Variants in KDM3B observed in about 807,000 individuals in gnomAD.
KDM3B encodes the protein lysine demethylase 3B, also known as lysine-specific demethylase 3B.
Under a neutral mutation model 170.0 loss-of-function variants are expected in KDM3B, and 10 were observed. The ratio of observed to expected loss-of-function variants is 0.06; its 90% CI spans 0.04 to 0.10. KDM3B has a LOEUF of 0.10. Ranked by LOEUF, KDM3B falls within the 10% of genes least tolerant of loss-of-function variation. The pLI is 1.00. For synonymous variants in KDM3B, 831 were observed against 834.8 expected (o/e 1.00, Z 0.08); for missense variants, 1,394 against 2,195.2 (o/e 0.64, Z 7.29).
intron 13 of KDM3B, chr5:138,417,986 A>C (rs1763145460): frequency 6.3e-6 from 1 of 158,230 alleles, no homozygotes; most frequent in African/African-American, 2.4e-5. Context: ...GATTCATCTC[A>C]GGTGCAGAAG....
Position 138,366,438 on chromosome 5 carries a change from C to T in KDM3B, c.193-6236C>T, listed in dbSNP as rs560927825. Among the ~76,000 whole-genome samples, 88 of 152,150 alleles carry T rather than the reference C, an allele frequency of 5.8e-4. 1 individual carries two copies. The highest frequency in any genetic ancestry group is 2.0e-3 in the African/African-American group (85 of 41,514). On this transcript the variant is annotated intron_variant, in intron 1 of 23. Transcript: ENST00000314358. ...CCTGACTTCCTGGGCTCAAGCAGTC[C>T]TCCTACCTCAGCCTCCCAAGTAGCT...
chr5:138,400,983 A>G (rs1399964779), intron 11 of KDM3B, among the ~76,000 whole-genome samples: 1 of 152,060 alleles, frequency 6.6e-6, no homozygotes, highest in African/African-American at 2.4e-5. Context: ...TGTCATAAAA[A>G]TAGAATCAGC....
At chr5:138,420,662 A>G (rs758050034) in intron 14 of KDM3B, 44 bp from the exon 15 acceptor site, 2 of 1,605,838 alleles carry the variant, frequency 1.2e-6, no homozygotes, top group Non-Finnish European at 1.7e-6. Context: ...TGTGCTGATT[A>G]TTCCTTTTTG....
In KDM3B at chr5:138,424,227, G is replaced by A. The variant is rs764728153; in HGVS notation, c.4125G>A (p.Val1375=). The A allele has an allele frequency of 9.3e-6, 15 of 1,614,010 alleles. No individual in the cohort carries two copies. The Admixed American group carries it at 2.5e-4, about 27-fold the overall frequency. Residue 1375 remains valine, a synonymous_variant, in exon 16 of 24, where the codon GTG becomes GTA. Transcript: ENST00000314358. ...EVKEMVMGLN[V]LDPHTSHSWL... ...AGGAGATGGTGATGGGGTTAAATGT[G>A]CTAGATCCCCATACTTCTCACTCCT...
chr5:138,386,048 T>A lies in KDM3B; in HGVS notation c.807T>A (p.Ser269=). The A allele has an allele frequency of 6.2e-7, 1 of 1,607,716 alleles. No homozygotes were observed. The highest frequency in any genetic ancestry group is 8.5e-7 in the Non-Finnish European group (1 of 1,177,662). The change falls in exon 7 of 24, where the codon TCT becomes TCA. Residue 269 remains serine (S), a synonymous_variant. Coordinates refer to ENST00000314358, the MANE Select transcript of KDM3B (RefSeq NM_016604.4). ...GGGGTACGTTAAAAGCAGTAAAATC[T>A]TCCAAAGGAAAGAAGAAGAGAGAAA... ...SEGGTLKAVK[S]SKGKKKRESI...
At position 138,356,362 on chromosome 5, in the gene KDM3B, T is replaced by C. The variant is rs1280794094; in HGVS notation, c.192+3375T>C. On this transcript the variant is annotated intron_variant, in intron 1 of 23. Coordinates refer to ENST00000314358, the MANE Select transcript of KDM3B (RefSeq NM_016604.4). ...TCCCACCAACAGTACTCAGGGTGCTTGTTTCTCTTTACCCTTGCCTTCACT... is the reference window on the plus strand; with the variant it reads ...TCCCACCAACAGTACTCAGGGTGCTCGTTTCTCTTTACCCTTGCCTTCACT... Among the ~76,000 whole-genome samples the C allele has an allele frequency of 2.0e-5, 3 of 152,188 alleles. No homozygotes were observed. The East Asian group carries it at 5.8e-4, about 29-fold the overall frequency.
intron 7 of KDM3B, among the ~76,000 whole-genome samples, chr5:138,388,653 A>C (rs7705624): frequency 1.8e-4 from 26 of 144,368 alleles, no homozygotes; most frequent in East Asian, 2.0e-4. Flanking sequence ...AAAAAAAAAA[A>C]AAAAAAAAAA....
intron 23 of KDM3B, among the ~76,000 whole-genome samples, chr5:138,432,953 C>G (rs1763572868): frequency 6.6e-6 from 1 of 151,916 alleles, no homozygotes; most frequent in Non-Finnish European, 1.5e-5. Context: ...ACTGTGTTAG[C>G]CAGGATGGTC....
At chr5:138,428,179 C>A in intron 20 of KDM3B, 93 bp downstream of exon 20, 90 of 989,496 alleles carry the variant, frequency 9.1e-5, no homozygotes, top group Non-Finnish European at 1.2e-4. Flanking sequence ...GTGGCTTTTC[C>A]TTTTTTTTTT....
chr5:138,390,826 GTC>G (rs1188688933), intron 7 of KDM3B, among the ~76,000 whole-genome samples, 185 bp from the exon 8 acceptor site: 1 of 152,084 alleles, frequency 6.6e-6, no homozygotes, highest in Non-Finnish European at 1.5e-5. Flanking sequence ...CCTCAGTGTA[GTC>G]TGTGGCAGAT....
rs552227798 is a variant in KDM3B, at chr5:138,408,364, A to G, written c.3200-6768A>G. Reference sequence around the variant, plus strand: ...TTTCTTTTTTTTTTCTTTTTTTCCTATTAAACCTTTGCTCCTACACTCCTT... The same window carrying G: ...TTTCTTTTTTTTTTCTTTTTTTCCTGTTAAACCTTTGCTCCTACACTCCTT... On this transcript the variant is annotated intron_variant, in intron 11 of 23. Transcript: ENST00000314358. 4.1e-5 allele frequency among the ~76,000 whole-genome samples: 6 copies of G among 146,430 alleles called. No individual in the cohort carries two copies. The East Asian group carries it at 9.9e-4, about 24-fold the overall frequency.
In KDM3B at chr5:138,386,452, A is replaced by G. The variant is rs751917196; in HGVS notation, c.1211A>G (p.Lys404Arg). 5.0e-6 allele frequency: 8 copies of G among 1,614,138 alleles called. No individual in the cohort carries two copies. The highest frequency in any genetic ancestry group is 6.8e-6 in the Non-Finnish European group (8 of 1,180,022). Residue 404 changes from lysine (K) to arginine (R), a missense_variant, in exon 7 of 24, where the codon AAA becomes AGA. By Grantham distance (26) the Lys-to-Arg change is conservative (BLOSUM62 2). Coordinates refer to ENST00000314358, the MANE Select transcript of KDM3B (RefSeq NM_016604.4). The stretch of plus-strand genomic sequence containing the variant: ...CCAGAGGTGGGTGGAGCCGAAAACA[A>G]AGAGGCAGGAAAAACACTGGAACAA... ...LAPEVGGAEN[K>R]EAGKTLEQVG...
chr5:138,405,484 C>T (rs1762794488), intron 11 of KDM3B, among the ~76,000 whole-genome samples: 1 of 151,660 alleles, frequency 6.6e-6, no homozygotes, highest in Non-Finnish European at 1.5e-5. Flanking sequence ...CTAGCATAGG[C>T]AACAGAGTAA....
chr5:138,392,410 C>G, intron 8 of KDM3B, 149 bp downstream of exon 8: 1 of 783,590 alleles, frequency 1.3e-6, no homozygotes, highest in Non-Finnish European at 1.8e-6. Context: ...AGAGGCCCCT[C>G]GTCAGGCCTG....
At chr5:138,372,637 C>G in intron 1 of KDM3B, 37 bp from the exon 2 acceptor site, 1 of 1,578,618 alleles carries the variant, frequency 6.3e-7, no homozygotes, top group South Asian at 1.2e-5. Context: ...GAGATTTTTC[C>G]AAGTGTGACT....
intron 11 of KDM3B, among the ~76,000 whole-genome samples, chr5:138,404,273 AC>A (rs1762761886): frequency 6.6e-6 from 1 of 152,234 alleles, no homozygotes; most frequent in Non-Finnish European, 1.5e-5. Context: ...CAAACTCCAA[AC>A]AGTAGAAACA....
At position 138,435,702 on chromosome 5, in the gene KDM3B, C is replaced by T; in HGVS notation, c.*2C>T. ...GAATCCAAACTGGCAAGGTCCTAGG[C>T]ATGGAGAAACTCCAAGCTCCTCTGT... On this transcript the variant is annotated 3_prime_UTR_variant, in exon 24 of 24. Transcript: ENST00000314358. 6.2e-7 allele frequency: 1 copy of T among 1,610,138 alleles called. No individual in the cohort carries two copies. Among genetic ancestry groups the T allele is most frequent in the South Asian group, 1.1e-5 (1 of 90,560 alleles).
In KDM3B at chr5:138,416,611, C is replaced by A. The variant is rs1157839551; in HGVS notation, c.3308-872C>A. On this transcript the variant is annotated intron_variant, in intron 12 of 23. Coordinates refer to ENST00000314358, the MANE Select transcript of KDM3B (RefSeq NM_016604.4). ...CTCAAAAAAAAAAAAAAAAAAAAAA[C>A]ATAACAAAAAACCAAAGAAAACTTT... 1.8e-3 allele frequency among the ~76,000 whole-genome samples: 212 copies of A among 114,792 alleles called. 1 individual carries two copies. The highest frequency in any genetic ancestry group is 6.2e-3 in the South Asian group (18 of 2,890). 75.3% of individuals were successfully genotyped at this position (114,792 alleles called of 152,430 possible). A position where few individuals can be genotyped will look rare whatever the true frequency, so the allele number is the denominator to read the frequency against.
intron 3 of KDM3B, among the ~76,000 whole-genome samples, chr5:138,375,887 G>C (rs991832271): frequency 1.3e-5 from 2 of 151,908 alleles, no homozygotes; most frequent in African/African-American, 4.8e-5. Flanking sequence ...ATGTTGGTCA[G>C]GCTAGTCTCG....
Sources: gnomAD v4.1 joint callset for allele counts (sites outside exome capture counted in the v4.1 genomes callset) on GRCh38, gnomAD v4.1.1 for gene constraint, MANE v1.5 for transcripts, NCBI Gene and HGNC (gene_info 2026-07-23, HGNC 2026-07-21) for gene names.